The following PRELID2 variants were observed in gnomAD, a reference collection of about 807,000 sequenced individuals.
PRELID2 encodes PRELI domain containing 2.
PRELID2 carries 25 observed loss-of-function variants against 28.4 expected under a neutral mutation model. The observed-to-expected ratio is 0.88, with a 90% confidence interval of 0.64 to 1.23. The LOEUF is 1.23. Ranked by LOEUF, PRELID2 falls within the 50% of genes most tolerant of loss-of-function variation. The probability of loss-of-function intolerance (pLI) is 0.00; values close to 1 mark genes in which losing one functional copy is unlikely to be tolerated. For missense variants in PRELID2, 201 were observed against 214.4 expected, an observed-to-expected ratio of 0.94 and a Z score of 0.39; for synonymous variants, 76 against 71.6, an observed-to-expected ratio of 1.06 and a Z score of -0.31.
the PRELID2 span, among the ~76,000 whole-genome samples, chr5:145,366,396 G>A: frequency 4.6e-5 from 7 of 151,804 alleles, no homozygotes; most frequent in Admixed American, 2.6e-4. Context: ...AATGAAAAGA[G>A]AAAATAACAG....
chr5:145,706,076 T>C (rs756889862), intron 1 of PRELID2, among the ~76,000 whole-genome samples: 9 of 152,178 alleles, frequency 5.9e-5, no homozygotes, highest in Admixed American at 1.3e-4. Context: ...AGGCATATAT[T>C]ACTTATGGAA....
At position 145,764,310 on chromosome 5, in the gene PRELID2, C is replaced by T. The variant is rs575458281; in HGVS notation, c.*10+621G>A. On this transcript the variant is annotated intron_variant, in intron 6 of 6. Transcript: ENST00000683046. ...CCCCCACTATCTGTTAACCCTATAC[C>T]ATTTGCCCTAAACTAGATGTGGCAC... Among the ~76,000 whole-genome samples the T allele has an allele frequency of 2.1e-4, 32 of 152,194 alleles. No individual in the cohort carries two copies. The South Asian group carries it at 6.4e-3, about 31-fold the overall frequency.
chr5:145,267,274 C>T, the PRELID2 span, among the ~76,000 whole-genome samples: 1 of 152,240 alleles, frequency 6.6e-6, no homozygotes, highest in African/African-American at 2.4e-5. Flanking sequence ...ATGGTGCCCA[C>T]CCAGATTAAG....
At chr5:145,280,939 A>G in the PRELID2 span, among the ~76,000 whole-genome samples, 1 of 151,766 alleles carries the variant, frequency 6.6e-6, no homozygotes, top group South Asian at 2.1e-4. Context: ...GGGGAAATGC[A>G]TTTTTTTTAC....
At chr5:145,243,555 C>A in the PRELID2 span, among the ~76,000 whole-genome samples, 3 of 152,094 alleles carry the variant, frequency 2.0e-5, no homozygotes, top group East Asian at 5.8e-4. Flanking sequence ...GCTATGAAAG[C>A]TATGTTTGGT....
chr5:145,659,886 T>G (rs1296810931), intron 1 of PRELID2, among the ~76,000 whole-genome samples: 2 of 152,176 alleles, frequency 1.3e-5, no homozygotes, highest in Non-Finnish European at 2.9e-5. Flanking sequence ...ATATGGTGAG[T>G]CTATGTGGGA....
intron 1 of PRELID2, among the ~76,000 whole-genome samples, chr5:145,587,180 A>G (rs912302504): frequency 6.6e-6 from 1 of 152,160 alleles, no homozygotes; most frequent in African/African-American, 2.4e-5. Flanking sequence ...CCTTATCACC[A>G]TTCATTATCA....
At chr5:145,786,058 TA>T (rs546006097) in intron 5 of PRELID2, among the ~76,000 whole-genome samples, 1 of 152,198 alleles carries the variant, frequency 6.6e-6, no homozygotes, top group Non-Finnish European at 1.5e-5. Context: ...AATAAATAAC[TA>T]ATAAATGTCA....
intron 1 of PRELID2, among the ~76,000 whole-genome samples, chr5:145,548,432 A>C (rs992911259): frequency 2.6e-5 from 4 of 152,204 alleles, no homozygotes; most frequent in African/African-American, 9.6e-5. Context: ...AAATAAAATC[A>C]TATAATTTTA....
the PRELID2 span, among the ~76,000 whole-genome samples, chr5:145,389,578 G>C: frequency 6.6e-6 from 1 of 152,188 alleles, no homozygotes; most frequent in Admixed American, 6.5e-5. Flanking sequence ...CAAATAAGTG[G>C]TAACAACTCT....
At position 145,667,832 on chromosome 5, in the gene PRELID2, C is replaced by T. The variant is rs12110135; in HGVS notation, n.70+97099G>A. Among the ~76,000 whole-genome samples the T allele has an allele frequency of 8.3e-3, 1,257 of 152,238 alleles. 26 individuals are homozygous for T. Among genetic ancestry groups the T allele is most frequent in the African/African-American group, 0.029 (1,205 of 41,556 alleles). On this transcript the variant is annotated intron_variant and non_coding_transcript_variant, in intron 1 of 2. Transcript: ENST00000510259. Reference sequence around the variant, plus strand: ...TGTTAGCTTTCTTCCTCCAGACACACATGCCAATTGTAGACTTGCTTAGCG... The same window carrying T: ...TGTTAGCTTTCTTCCTCCAGACACATATGCCAATTGTAGACTTGCTTAGCG...
chr5:145,677,886 G>T (rs887506458), intron 1 of PRELID2, among the ~76,000 whole-genome samples: 1 of 152,100 alleles, frequency 6.6e-6, no homozygotes, highest in African/African-American at 2.4e-5. Flanking sequence ...GGCCGCGGTG[G>T]GTGGGGTGCA....
chr5:145,245,696 A>G, the PRELID2 span, among the ~76,000 whole-genome samples: 1 of 152,068 alleles, frequency 6.6e-6, no homozygotes, highest in African/African-American at 2.4e-5. Context: ...AAAGAAACGG[A>G]AGTTCAGTGG....
intron 1 of PRELID2, among the ~76,000 whole-genome samples, chr5:145,678,112 T>C (rs535402604): frequency 9.9e-5 from 15 of 152,242 alleles, no homozygotes; most frequent in South Asian, 2.1e-4. Flanking sequence ...ACTATCCATA[T>C]AATCCAGGCA....
intron 1 of PRELID2, among the ~76,000 whole-genome samples, chr5:145,570,479 T>G (rs2149617230): frequency 6.6e-6 from 1 of 152,344 alleles, no homozygotes; most frequent in East Asian, 1.9e-4. Context: ...TTACAAGCAT[T>G]ATAATAATGA....
intron 1 of PRELID2, among the ~76,000 whole-genome samples, chr5:145,640,450 T>A (rs933959864): frequency 7.6e-6 from 1 of 131,310 alleles, no homozygotes; most frequent in Non-Finnish European, 1.6e-5. Context: ...CACTCCAGCC[T>A]GGGCGACAGA....
At chr5:145,293,935 T>C in the PRELID2 span, among the ~76,000 whole-genome samples, 722 of 152,290 alleles carry the variant, frequency 4.7e-3, 5 homozygotes, top group Admixed American at 0.016. Context: ...AGTATAAAGA[T>C]TGGCCACCTA....
the PRELID2 span, among the ~76,000 whole-genome samples, chr5:145,317,097 C>T: frequency 2.6e-5 from 4 of 152,268 alleles, no homozygotes; most frequent in South Asian, 4.1e-4. Flanking sequence ...GCAGGAGACA[C>T]GATGTCACAG....
chr5:145,254,103 T>C, the PRELID2 span, among the ~76,000 whole-genome samples: 8 of 152,156 alleles, frequency 5.3e-5, no homozygotes, highest in Non-Finnish European at 1.0e-4. Context: ...CTTTTGCTGT[T>C]CTGTTATGTG....
Sources: gnomAD v4.1 joint callset for allele counts (sites outside exome capture counted in the v4.1 genomes callset) on GRCh38, gnomAD v4.1.1 for gene constraint, MANE v1.5 for transcripts, NCBI Gene and HGNC (gene_info 2026-07-23, HGNC 2026-07-21) for gene names.